AOPEP: variants seen among roughly 807,000 people sequenced by gnomAD.
AOPEP encodes the protein aminopeptidase O (putative).
In AOPEP, 77 loss-of-function variants were observed where a neutral mutation model predicts 98.1. The observed-to-expected ratio is 0.78, with a 90% CI of 0.65 to 0.95. The LOEUF (loss-of-function observed/expected upper bound fraction) is 0.95, where lower values mean the gene tolerates loss of function less well. Ranked by LOEUF, AOPEP falls within the 40% of genes least tolerant of loss-of-function variation. AOPEP has a pLI of 0.00. For synonymous variants in AOPEP, 346 were observed against 365.3 expected, an observed-to-expected ratio of 0.95 and a Z score of 0.60; for missense variants, 1,024 against 1,024.7, an observed-to-expected ratio of 1.00 and a Z score of 0.01.
At chr9:94,912,763 C>T (rs570827932) in intron 5 of AOPEP, among the ~76,000 whole-genome samples, 21 of 152,248 alleles carry the variant, frequency 1.4e-4, no homozygotes, top group African/African-American at 3.4e-4. Flanking sequence ...ATGTTAAACA[C>T]GAACATGGTG....
intron 1 of AOPEP, among the ~76,000 whole-genome samples, chr9:94,754,406 A>G (rs2025793): frequency 0.089 from 13,501 of 152,284 alleles, 713 homozygotes; most frequent in African/African-American, 0.13. Context: ...AGTGTGCTCT[A>G]TGCTATAGAA....
chr9:95,060,903 C>A, intron 14 of AOPEP, 93 bp downstream of exon 14: 1 of 814,660 alleles, frequency 1.2e-6, no homozygotes, highest in Non-Finnish European at 2.2e-6. Context: ...TTGAAACCAC[C>A]ATTTCTATTA....
intron 11 of AOPEP, among the ~76,000 whole-genome samples, chr9:94,993,136 A>G (rs1208070406): frequency 6.6e-6 from 1 of 152,206 alleles, no homozygotes; most frequent in Non-Finnish European, 1.5e-5. Flanking sequence ...AACCTGTTTG[A>G]TCAGGAGATG....
intron 14 of AOPEP, among the ~76,000 whole-genome samples, chr9:95,074,832 T>G (rs554538054): frequency 6.6e-6 from 1 of 152,230 alleles, no homozygotes; most frequent in South Asian, 2.1e-4. Context: ...CTCTTCCCCC[T>G]CCCAGGCCAC....
intron 7 of AOPEP, among the ~76,000 whole-genome samples, chr9:94,949,937 G>A (rs956995386): frequency 6.6e-6 from 1 of 152,128 alleles, no homozygotes; most frequent in Non-Finnish European, 1.5e-5. Context: ...GAAATTTGTT[G>A]TTTCTTTTAT....
chr9:94,831,269 T>C (rs548513156), intron 5 of AOPEP, among the ~76,000 whole-genome samples: 3 of 152,348 alleles, frequency 2.0e-5, no homozygotes, highest in South Asian at 4.1e-4. Context: ...ATTTTCTGCA[T>C]ATGGGTAGCC....
intron 13 of AOPEP, among the ~76,000 whole-genome samples, chr9:95,028,260 G>A (rs1194313165): frequency 1.3e-5 from 2 of 152,240 alleles, no homozygotes; most frequent in Non-Finnish European, 2.9e-5. Flanking sequence ...CTTTTGTCAT[G>A]TGGTGGCAGT....
intron 2 of AOPEP, among the ~76,000 whole-genome samples, chr9:94,762,167 G>T (rs928184150): frequency 2.6e-5 from 4 of 152,164 alleles, no homozygotes; most frequent in African/African-American, 9.6e-5. Flanking sequence ...ATTAAAGAGG[G>T]CCAGGCGCGG....
At chr9:94,947,670 C>T (rs1340951236) in intron 7 of AOPEP, among the ~76,000 whole-genome samples, 1 of 152,202 alleles carries the variant, frequency 6.6e-6, no homozygotes, top group Non-Finnish European at 1.5e-5. Context: ...CTGTCCTAAG[C>T]ATTCTATATA....
chr9:94,863,131 G>A (rs2045261809), intron 5 of AOPEP, among the ~76,000 whole-genome samples: 1 of 152,146 alleles, frequency 6.6e-6, no homozygotes, highest in Non-Finnish European at 1.5e-5. Flanking sequence ...CACAGGTAGA[G>A]AGGCCAGGGT....
In AOPEP at chr9:95,082,830, A is replaced by G. The variant is rs561979143; in HGVS notation, c.*4+111A>G. 1.0e-5 allele frequency: 13 copies of G among 1,277,182 alleles called. No individual in the cohort carries two copies. In the African/African-American group the frequency reaches 1.9e-4, roughly 19 times the overall value. The allele number at this position is 1,277,182 out of a possible 1,614,324, so 79.1% of individuals were successfully genotyped here. On this transcript the variant is annotated intron_variant, in intron 16 of 16. Coordinates refer to ENST00000375315, the MANE Select transcript of AOPEP (RefSeq NM_001193329.3). ...AGCCAAGACTACCCGCAGCATCAATAGTCGGCTCCCTGGCCCAGGGCCTGG... is the reference window on the plus strand; with the variant it reads ...AGCCAAGACTACCCGCAGCATCAATGGTCGGCTCCCTGGCCCAGGGCCTGG...
At chr9:94,932,466 T>G in intron 7 of AOPEP, 1 of 186,082 alleles carries the variant, frequency 5.4e-6, no homozygotes, top group Non-Finnish European at 1.0e-5. Context: ...GTTTCTTTTT[T>G]TCTTTTCTTT....
In AOPEP at chr9:94,924,048, G is replaced by A. The variant is rs10993400; in HGVS notation, c.1427G>A (p.Arg476His). The A allele has an allele frequency of 2.4e-3, 3,659 of 1,522,614 alleles. 123 individuals are homozygous for A. In the East Asian group the frequency reaches 0.063, roughly 26 times the overall value. The allele number at this position is 1,522,614 out of a possible 1,614,324, so 94.3% of individuals were successfully genotyped here. Residue 476 changes from arginine to histidine, a missense_variant, in exon 6 of 17, where the codon CGC (arginine) becomes CAC (histidine). Physicochemically the swap from Arg to His is conservative, Grantham distance 29 (BLOSUM62 0). This residue lies in a region of AOPEP where 566 missense variants were observed against 551.7 expected (regional missense o/e 1.03). Coordinates refer to ENST00000375315, the MANE Select transcript of AOPEP (RefSeq NM_001193329.3). Reference sequence around the variant, plus strand: ...GGAGGGAACCATCTCTGTGGGACCCGCCTCTGCCATGAAATTGCCCATGCC... The same window carrying A: ...GGAGGGAACCATCTCTGTGGGACCCACCTCTGCCATGAAATTGCCCATGCC... ...LTGGNHLCGT[R>H]LCHEIAHAWF...
chr9:95,005,180 C>T lies in AOPEP; in HGVS notation c.2000C>T (p.Ala667Val). 1.7e-6 allele frequency: 2 copies of T among 1,151,592 alleles called. No individual in the cohort carries two copies. Among genetic ancestry groups the T allele is most frequent in the Non-Finnish European group, 1.1e-6 (1 of 932,772 alleles). 71.3% of individuals were successfully genotyped at this position (1,151,592 alleles called of 1,614,324 possible). ...CAGCCGCTGCAGAGGGAGCGTCGCG[C>T]CGGGGCGGAGTGCGGGCTTGCGCGG... is the stretch of plus-strand genomic sequence containing the variant. ...IPKPLQRERR[A>V]GAECGLARQV... The change falls in exon 12 of 17, where the codon GCC becomes GTC. Residue 667 changes from alanine (A) to valine (V), a missense_variant. Ala to Val is a moderately conservative substitution (Grantham distance 64, BLOSUM62 0). Around this residue, in one of 3 missense-constraint regions of AOPEP, gnomAD observed 566 missense variants for 551.7 expected, o/e 1.03. Coordinates refer to ENST00000375315, the MANE Select transcript of AOPEP (RefSeq NM_001193329.3).
chr9:94,831,728 C>A (rs1293343482), intron 5 of AOPEP, among the ~76,000 whole-genome samples: 1 of 151,888 alleles, frequency 6.6e-6, no homozygotes, highest in South Asian at 2.1e-4. Flanking sequence ...CTCTGATTTC[C>A]TTGAGCAGGG....
intron 13 of AOPEP, among the ~76,000 whole-genome samples, chr9:95,027,876 C>G (rs2063967190): frequency 6.6e-6 from 1 of 152,162 alleles, no homozygotes; most frequent in African/African-American, 2.4e-5. Flanking sequence ...GTGAGCAAAT[C>G]AAGTGAACCT....
chr9:95,121,328 G>A, the AOPEP span, among the ~76,000 whole-genome samples: 5 of 152,224 alleles, frequency 3.3e-5, no homozygotes, highest in African/African-American at 1.2e-4. Context: ...AACAGAACAG[G>A]GACAAGAGGA....
intron 6 of AOPEP, among the ~76,000 whole-genome samples, chr9:94,927,859 C>A (rs546779964): frequency 7.2e-5 from 11 of 152,328 alleles, no homozygotes; most frequent in South Asian, 6.2e-4. Flanking sequence ...GCCGTGTGGC[C>A]CAGTGAGCAC....
At chr9:94,800,202 A>G (rs1031842542) in intron 4 of AOPEP, among the ~76,000 whole-genome samples, 4 of 152,240 alleles carry the variant, frequency 2.6e-5, no homozygotes, top group African/African-American at 9.6e-5. Flanking sequence ...TGTAAAGAAC[A>G]TTTAGATTAC....
Sources: allele counts gnomAD v4.1 joint callset (sites outside exome capture counted in the v4.1 genomes callset), GRCh38; gene constraint gnomAD v4.1.1; regional missense constraint gnomAD v4.1.1; transcripts MANE v1.5; gene names NCBI Gene and HGNC (gene_info 2026-07-23, HGNC 2026-07-21).